The following CDH9 variants were observed in gnomAD, a reference collection of about 807,000 sequenced individuals.
The protein encoded by CDH9 is cadherin 9, also known as cadherin-9.
In CDH9, 28 loss-of-function variants were observed where a neutral mutation model predicts 70.9. The observed-to-expected ratio is 0.40, with a 90% CI of 0.29 to 0.54. CDH9 has a LOEUF of 0.54. CDH9 is among the 20% of genes least tolerant of loss of function. CDH9 has a pLI of 0.59. For synonymous variants in CDH9, 409 were observed against 343.1 expected (o/e 1.19, Z -2.12); for missense variants, 874 against 984.4 (o/e 0.89, Z 1.50).
chr5:27,003,140 G>A (rs996183858), intron 1 of CDH9, among the ~76,000 whole-genome samples: 1 of 152,072 alleles, frequency 6.6e-6, no homozygotes, highest in Admixed American at 6.6e-5. Context: ...AATTCAAAAT[G>A]TGCCAATGGG....
intron 2 of CDH9, among the ~76,000 whole-genome samples, chr5:26,950,050 C>T (rs887687909): frequency 1.3e-5 from 2 of 152,058 alleles, no homozygotes; most frequent in Non-Finnish European, 2.9e-5. Flanking sequence ...TGAATTGGGG[C>T]TTTAATCATT....
intron 3 of CDH9, among the ~76,000 whole-genome samples, chr5:26,908,067 C>A (rs1370162228): frequency 6.6e-6 from 1 of 152,080 alleles, no homozygotes; most frequent in Non-Finnish European, 1.5e-5. Flanking sequence ...ATCAATTGAG[C>A]AAGGCTTTTT....
chr5:27,004,407 C>A (rs577637836), intron 1 of CDH9, among the ~76,000 whole-genome samples: 1 of 152,206 alleles, frequency 6.6e-6, no homozygotes, highest in Admixed American at 6.6e-5. Flanking sequence ...TAAATTTAAT[C>A]TTCATGATAT....
intron 2 of CDH9, among the ~76,000 whole-genome samples, chr5:26,978,172 A>C (rs574921810): frequency 1.0e-4 from 12 of 114,686 alleles, no homozygotes; most frequent in Admixed American, 3.1e-4. Flanking sequence ...ACATTCTAAC[A>C]CATAATAAAA....
chr5:27,028,764 T>A (rs958592302), intron 1 of CDH9, among the ~76,000 whole-genome samples: 8 of 151,890 alleles, frequency 5.3e-5, no homozygotes, highest in South Asian at 2.1e-4. Flanking sequence ...CAGAAAAAAA[T>A]TAAAATACAG....
chr5:26,955,936 T>A (rs1561017289), intron 2 of CDH9, among the ~76,000 whole-genome samples: 2 of 152,200 alleles, frequency 1.3e-5, no homozygotes, highest in Non-Finnish European at 2.9e-5. Flanking sequence ...AACCTTTTTA[T>A]ATCACCATCC....
intron 1 of CDH9, among the ~76,000 whole-genome samples, chr5:27,033,501 CAGAT>C (rs1743343511): frequency 2.0e-5 from 3 of 151,084 alleles, no homozygotes; most frequent in Non-Finnish European, 4.4e-5. Flanking sequence ...GACAGACAGA[CAGAT>C]AGATGTCACT....
chr5:26,887,442 A>G (rs1740584162), intron 9 of CDH9, among the ~76,000 whole-genome samples: 1 of 150,384 alleles, frequency 6.6e-6, no homozygotes, highest in Admixed American at 6.7e-5. Flanking sequence ...TGTTAAATTC[A>G]ATTAGGGTAA....
intron 2 of CDH9, among the ~76,000 whole-genome samples, chr5:26,932,202 G>A (rs1446612962): frequency 3.3e-5 from 5 of 151,916 alleles, no homozygotes; most frequent in African/African-American, 7.2e-5. Context: ...ATAAACATAT[G>A]CTCAGAAAAC....
Position 26,963,211 on chromosome 5 carries a change from C to T in CDH9, c.228+24895G>A, listed in dbSNP as rs1317451339. On this transcript the variant is annotated intron_variant, in intron 2 of 11. Coordinates refer to ENST00000231021, the MANE Select transcript of CDH9 (RefSeq NM_016279.4). ...CCTTTGCCCTTTTAGAGAAACAGTG[C>T]TAGTTTTGCCTGGAGGAAAATGTAA... 3.9e-5 allele frequency among the ~76,000 whole-genome samples: 6 copies of T among 152,164 alleles called. No individual in the cohort carries two copies. The East Asian group carries it at 7.7e-4, about 20-fold the overall frequency.
intron 1 of CDH9, among the ~76,000 whole-genome samples, chr5:26,990,191 C>T (rs1057323449): frequency 2.6e-5 from 4 of 152,118 alleles, no homozygotes; most frequent in Admixed American, 2.6e-4. Context: ...CATCGTTGCT[C>T]ATATTATAGG....
intron 1 of CDH9, among the ~76,000 whole-genome samples, chr5:26,998,294 G>A (rs1742702016): frequency 6.6e-6 from 1 of 152,024 alleles, no homozygotes; most frequent in Admixed American, 6.6e-5. Flanking sequence ...GTTTACTGTG[G>A]CACTATTCAC....
At chr5:26,935,047 G>C (rs1741535230) in intron 2 of CDH9, among the ~76,000 whole-genome samples, 1 of 151,954 alleles carries the variant, frequency 6.6e-6, no homozygotes, top group Non-Finnish European at 1.5e-5. Flanking sequence ...ATGACCAATT[G>C]GGGGTTATTC....
intron 2 of CDH9, among the ~76,000 whole-genome samples, chr5:26,940,090 G>C (rs1436991845): frequency 1.3e-5 from 2 of 151,412 alleles, no homozygotes; most frequent in African/African-American, 4.8e-5. Context: ...GAGAACCCAG[G>C]AGGCAGAGGT....
At chr5:27,028,851 G>A (rs954782275) in intron 1 of CDH9, among the ~76,000 whole-genome samples, 4 of 151,956 alleles carry the variant, frequency 2.6e-5, no homozygotes, top group South Asian at 2.1e-4. Flanking sequence ...GTGATGGAGT[G>A]TTGGTAGGGA....
intron 2 of CDH9, among the ~76,000 whole-genome samples, chr5:26,963,255 A>T (rs534672249): frequency 6.6e-6 from 1 of 152,192 alleles, no homozygotes; most frequent in Non-Finnish European, 1.5e-5. Context: ...CAGTAAAAAC[A>T]GTAAAATAAT....
At chr5:26,887,590 T>C (rs987878701) in intron 9 of CDH9, among the ~76,000 whole-genome samples, 1 of 152,054 alleles carries the variant, frequency 6.6e-6, no homozygotes, top group Non-Finnish European at 1.5e-5. Context: ...AGAATATTTA[T>C]ATGTGATTGT....
intron 2 of CDH9, among the ~76,000 whole-genome samples, chr5:26,934,997 T>C (rs751131686): frequency 1.3e-5 from 2 of 151,560 alleles, no homozygotes; most frequent in Non-Finnish European, 2.9e-5. Flanking sequence ...CAAAATAAAT[T>C]ATCAGATATA....
intron 4 of CDH9, 36 bp downstream of exon 4, chr5:26,906,683 A>G (rs867817689): frequency 6.2e-7 from 1 of 1,609,366 alleles, no homozygotes; most frequent in Middle Eastern, 1.7e-4. Flanking sequence ...TTAATGTATT[A>G]TACAATAAGA....
Sources: gnomAD v4.1 joint callset for allele counts (sites outside exome capture counted in the v4.1 genomes callset) on GRCh38, gnomAD v4.1.1 for gene constraint, MANE v1.5 for transcripts, NCBI Gene and HGNC (gene_info 2026-07-23, HGNC 2026-07-21) for gene names.